The following JAM3 variants were observed in gnomAD, a reference collection of about 807,000 sequenced individuals.
The protein encoded by JAM3 is junctional adhesion molecule C.
In JAM3, 31 loss-of-function variants were observed where a neutral mutation model predicts 39.4. That is an observed-to-expected ratio of 0.79 (90% confidence interval 0.59 to 1.06). The LOEUF (loss-of-function observed/expected upper bound fraction) is 1.06. JAM3 is among the 50% of genes least tolerant of loss of function. The probability of loss-of-function intolerance (pLI) is 0.00; values close to 1 mark genes in which losing one functional copy is unlikely to be tolerated. For synonymous variants in JAM3, 182 were observed against 148.7 expected (o/e 1.22, Z -1.63); for missense variants, 455 against 391.4 (o/e 1.16, Z -1.37).
chr11:134,106,238 A>C (rs1378340789), intron 1 of JAM3, among the ~76,000 whole-genome samples: 29 of 152,182 alleles, frequency 1.9e-4, no homozygotes, highest in African/African-American at 5.3e-4. Context: ...CAAAAACAAG[A>C]AATGGGGAAA....
At chr11:134,082,333 G>A (rs1301472762) in intron 1 of JAM3, among the ~76,000 whole-genome samples, 1 of 152,218 alleles carries the variant, frequency 6.6e-6, no homozygotes, top group Non-Finnish European at 1.5e-5. Context: ...TTGGGGGACT[G>A]TTGGGAAGGT....
chr11:134,109,875 C>A (rs932228708), intron 1 of JAM3, among the ~76,000 whole-genome samples: 1 of 152,200 alleles, frequency 6.6e-6, no homozygotes, highest in Admixed American at 6.5e-5. Context: ...CTATAGCTGT[C>A]TGCTTAGAAA....
chr11:134,139,435 G>C (rs943818820), intron 1 of JAM3, among the ~76,000 whole-genome samples: 3 of 152,212 alleles, frequency 2.0e-5, no homozygotes, highest in Non-Finnish European at 4.4e-5. Flanking sequence ...CCAAGAGTCT[G>C]GCCCATATCA....
chr11:134,103,992 T>C (rs972880421), intron 1 of JAM3, among the ~76,000 whole-genome samples: 14 of 152,160 alleles, frequency 9.2e-5, no homozygotes, highest in African/African-American at 3.4e-4. Flanking sequence ...TGAACTCAGC[T>C]CTGCACCAAG....
chr11:134,087,063 C>T (rs1388079980), intron 1 of JAM3, among the ~76,000 whole-genome samples: 3 of 152,076 alleles, frequency 2.0e-5, no homozygotes, highest in Non-Finnish European at 4.4e-5. Context: ...CCTCAGTCTC[C>T]CAGAGTACTG....
At chr11:134,109,119 C>T (rs1942260806) in intron 1 of JAM3, among the ~76,000 whole-genome samples, 1 of 152,046 alleles carries the variant, frequency 6.6e-6, no homozygotes, top group Non-Finnish European at 1.5e-5. Flanking sequence ...ACCACACCAC[C>T]CCCGGCTAAT....
intron 1 of JAM3, among the ~76,000 whole-genome samples, chr11:134,102,171 G>A (rs1046076884): frequency 2.0e-5 from 3 of 152,190 alleles, no homozygotes; most frequent in African/African-American, 7.2e-5. Flanking sequence ...AGCATGGTAA[G>A]GGATGGAGTT....
chr11:134,121,918 A>G (rs1357548332), intron 1 of JAM3, among the ~76,000 whole-genome samples: 1 of 152,200 alleles, frequency 6.6e-6, no homozygotes. Flanking sequence ...TGATCAAAAC[A>G]CTTGGAGTCA....
intron 1 of JAM3, among the ~76,000 whole-genome samples, 198 bp downstream of exon 1, chr11:134,069,357 G>T (rs933012667): frequency 6.6e-6 from 1 of 152,128 alleles, no homozygotes; most frequent in African/African-American, 2.4e-5. Flanking sequence ...TAGGGCGGGG[G>T]CCCTGGGACG....
At chr11:134,130,353 C>T (rs538355433) in intron 1 of JAM3, among the ~76,000 whole-genome samples, 2 of 152,188 alleles carry the variant, frequency 1.3e-5, no homozygotes, top group South Asian at 2.1e-4. Flanking sequence ...GTGTCTTTTT[C>T]CCCTACTTAA....
chr11:134,139,164 G>T (rs929889156), intron 1 of JAM3, among the ~76,000 whole-genome samples: 9 of 152,172 alleles, frequency 5.9e-5, no homozygotes, highest in African/African-American at 2.4e-5. Flanking sequence ...TCTGATGTTT[G>T]CCCAAACCCA....
At chr11:134,080,399 C>T (rs1050379576) in intron 1 of JAM3, among the ~76,000 whole-genome samples, 1 of 152,178 alleles carries the variant, frequency 6.6e-6, no homozygotes, top group Admixed American at 6.5e-5. Context: ...GGCTCTGTGT[C>T]CCCACCCAAA....
At chr11:134,078,577 C>A (rs937993271) in intron 1 of JAM3, among the ~76,000 whole-genome samples, 20 of 152,068 alleles carry the variant, frequency 1.3e-4, no homozygotes. Flanking sequence ...TATGTGAGAT[C>A]TCGTTGTTGG....
chr11:134,138,672 T>G (rs1311797096), intron 1 of JAM3, among the ~76,000 whole-genome samples: 1 of 152,248 alleles, frequency 6.6e-6, no homozygotes, highest in African/African-American at 2.4e-5. Flanking sequence ...GTAGCCATGG[T>G]TATCCAAACA....
intron 1 of JAM3, among the ~76,000 whole-genome samples, chr11:134,136,922 G>T (rs1472973280): frequency 6.6e-6 from 1 of 152,126 alleles, no homozygotes; most frequent in Non-Finnish European, 1.5e-5. Context: ...GACCATCCTG[G>T]CTAACACGGT....
chr11:134,149,267 A>C lies in JAM3; in HGVS notation c.*86A>C, dbSNP rs1015316899. The C allele has an allele frequency of 4.5e-5, 67 of 1,501,594 alleles. No homozygotes were observed. The East Asian group carries it at 1.1e-3, about 25-fold the overall frequency. The allele number at this position is 1,501,594 out of a possible 1,614,324, so 93.0% of individuals were successfully genotyped here. ...CTGTCAAGGCAGCGAGAGCTGATGC[A>C]CTCGGACAGAGCTAGACACTCATTC... On this transcript the variant is annotated 3_prime_UTR_variant, in exon 9 of 9. Coordinates refer to ENST00000299106, the MANE Select transcript of JAM3 (RefSeq NM_032801.5).
At chr11:134,144,095 T>C (rs1419282439) in intron 3 of JAM3, 146 bp from the exon 4 acceptor site, 5 of 772,106 alleles carry the variant, frequency 6.5e-6, no homozygotes, top group Non-Finnish European at 1.1e-5. Flanking sequence ...CTCAAGAGAG[T>C]TCACTTCTGT....
intron 6 of JAM3, among the ~76,000 whole-genome samples, chr11:134,147,415 C>G (rs1236543625): frequency 7.8e-6 from 1 of 127,886 alleles, no homozygotes; most frequent in Non-Finnish European, 1.6e-5. Flanking sequence ...GATTGCACCA[C>G]AGAACTCCAG....
chr11:134,106,342 T>G (rs568025799), intron 1 of JAM3, among the ~76,000 whole-genome samples: 2,260 of 151,946 alleles, frequency 0.015, 23 homozygotes, highest in Non-Finnish European at 0.025. Flanking sequence ...ATACAAAAAT[T>G]AATTCAAGAT....
Sources: gnomAD v4.1 joint callset for allele counts (sites outside exome capture counted in the v4.1 genomes callset) on GRCh38, gnomAD v4.1.1 for gene constraint, MANE v1.5 for transcripts, NCBI Gene and HGNC (gene_info 2026-07-23, HGNC 2026-07-21) for gene names.